The following SLC4A4 variants were observed in gnomAD, a reference collection of about 807,000 sequenced individuals.
SLC4A4 encodes the protein solute carrier family 4 member 4.
In SLC4A4, 27 loss-of-function variants were observed where a neutral mutation model predicts 111.5. The observed-to-expected ratio is 0.24, with a 90% CI of 0.18 to 0.33. SLC4A4 has a LOEUF of 0.33. Ranked by LOEUF, SLC4A4 falls within the 10% of genes least tolerant of loss-of-function variation. The pLI is 1.00. For missense variants in SLC4A4, 909 were observed against 1,315.5 expected, an observed-to-expected ratio of 0.69 and a Z score of 4.78; for synonymous variants, 443 against 463.4, an observed-to-expected ratio of 0.96 and a Z score of 0.57.
chr4:71,534,458 T>C, intron 18 of SLC4A4, 70 bp downstream of exon 18: 3 of 1,481,926 alleles, frequency 2.0e-6, no homozygotes, highest in Middle Eastern at 1.9e-4. Context: ...ACTAATTGAT[T>C]AAAAACCAAG....
chr4:71,157,265 A>T (rs1342089195), intron 2 of SLC4A4, among the ~76,000 whole-genome samples: 1 of 152,198 alleles, frequency 6.6e-6, no homozygotes. Flanking sequence ...ATCCAAAGTT[A>T]GTAGTGTGTG....
chr4:71,362,156 T>A (rs1056122800), intron 6 of SLC4A4, among the ~76,000 whole-genome samples: 2 of 152,142 alleles, frequency 1.3e-5, no homozygotes, highest in Admixed American at 1.3e-4. Flanking sequence ...AACTTCTTCA[T>A]TTTTTGTCCC....
At chr4:71,413,368 A>G (rs752501001) in intron 7 of SLC4A4, among the ~76,000 whole-genome samples, 1 of 152,188 alleles carries the variant, frequency 6.6e-6, no homozygotes, top group Non-Finnish European at 1.5e-5. Flanking sequence ...AGTCATTTGG[A>G]AGTCAATAGA....
chr4:71,466,524 G>A lies in SLC4A4; in HGVS notation c.1578G>A (p.Leu526=), dbSNP rs1279769452. 1 of 1,613,598 alleles carries A rather than the reference G, an allele frequency of 6.2e-7. No homozygotes were observed. The highest frequency in any genetic ancestry group is 1.1e-5 in the South Asian group (1 of 91,076). ...TTGCTGGTCAACCACTCACTATTCT[G>A]AGCAGCACCGGACCTGTCCTAGTTT... The part of the protein sequence containing the change: ...CLFAGQPLTI[L]SSTGPVLVFE... The change falls in exon 13 of 26, where the codon CTG becomes CTA. Residue 526 remains leucine, a synonymous_variant. Coordinates refer to ENST00000264485, the MANE Select transcript of SLC4A4 (RefSeq NM_001098484.3).
At chr4:71,327,602 G>T (rs773979745) in intron 3 of SLC4A4, among the ~76,000 whole-genome samples, 8 of 151,886 alleles carry the variant, frequency 5.3e-5, no homozygotes, top group Non-Finnish European at 1.5e-5. Context: ...CTGGGATAGC[G>T]TAACCATTCA....
At chr4:71,546,100 C>G (rs1735495526) in intron 18 of SLC4A4, among the ~76,000 whole-genome samples, 1 of 152,054 alleles carries the variant, frequency 6.6e-6, no homozygotes, top group South Asian at 2.1e-4. Context: ...GTATCTTTGA[C>G]TTAAGTCTTA....
At chr4:71,145,812 C>G (rs1249397824) in intron 2 of SLC4A4, among the ~76,000 whole-genome samples, 1 of 151,812 alleles carries the variant, frequency 6.6e-6, no homozygotes, top group Non-Finnish European at 1.5e-5. Context: ...GTCATTTTTT[C>G]TTGCGTCTAT....
At chr4:71,562,057 T>C (rs578051082) in intron 23 of SLC4A4, among the ~76,000 whole-genome samples, 16 of 151,932 alleles carry the variant, frequency 1.1e-4, no homozygotes, top group African/African-American at 3.9e-4. Context: ...TTAGAAGTTC[T>C]TCCAATTCTT....
intron 1 of SLC4A4, among the ~76,000 whole-genome samples, chr4:71,207,862 G>T (rs1717862837): frequency 6.6e-6 from 1 of 152,148 alleles, no homozygotes; most frequent in Non-Finnish European, 1.5e-5. Flanking sequence ...GCCCAGGTTG[G>T]AGTGCAGTAG....
At chr4:71,419,799 G>A (rs192762566) in intron 7 of SLC4A4, among the ~76,000 whole-genome samples, 10 of 152,272 alleles carry the variant, frequency 6.6e-5, no homozygotes, top group African/African-American at 2.2e-4. Flanking sequence ...ACTCATGCTG[G>A]GAGCTGTAGA....
intron 3 of SLC4A4, among the ~76,000 whole-genome samples, chr4:71,302,713 C>G (rs1324943495): frequency 6.6e-6 from 1 of 152,202 alleles, no homozygotes; most frequent in African/African-American, 2.4e-5. Context: ...AGACACACAT[C>G]ATTTCAATGG....
chr4:71,177,583 G>A (rs577658192), intron 2 of SLC4A4, among the ~76,000 whole-genome samples: 1 of 152,216 alleles, frequency 6.6e-6, no homozygotes, highest in East Asian at 1.9e-4. Context: ...AGACAAAGAA[G>A]GCCATTACAT....
intron 2 of SLC4A4, among the ~76,000 whole-genome samples, chr4:71,128,820 C>T (rs1156421552): frequency 6.6e-6 from 1 of 152,154 alleles, no homozygotes. Context: ...CAAAGTTCTC[C>T]ATTCTTAAGC....
chr4:71,145,636 G>A (rs1279618411), intron 2 of SLC4A4, among the ~76,000 whole-genome samples: 1 of 152,124 alleles, frequency 6.6e-6, no homozygotes, highest in Admixed American at 6.5e-5. Flanking sequence ...CCTGTTATTG[G>A]TGTATTCAGA....
chr4:71,396,813 T>C (rs1333511295), intron 6 of SLC4A4, among the ~76,000 whole-genome samples: 1 of 152,204 alleles, frequency 6.6e-6, no homozygotes, highest in Non-Finnish European at 1.5e-5. Context: ...GTGAACCATA[T>C]TGACAGCTGC....
In SLC4A4 at chr4:71,569,082, A is replaced by G. The variant is rs557851944; in HGVS notation, c.*1331A>G. 5 of 151,658 alleles carry G rather than the reference A, an allele frequency of 3.3e-5. No homozygotes were observed. In the South Asian group the frequency reaches 1.0e-3, roughly 31 times the overall value. 9.4% of individuals were successfully genotyped at this position (151,658 alleles called of 1,614,324 possible). On this transcript the variant is annotated 3_prime_UTR_variant, in exon 26 of 26. Transcript: ENST00000264485. ...GCCATGGCTGGTGTATATATGTGCA[A>G]TGTTAGAAGGCAAAAGAGTGATGGT...
rs1737759415 is a variant in SLC4A4 at position 71,569,353 on chromosome 4, TAC to T, written c.*1604_*1605del. ...GTAATGGGATTGCAGAGCTGCAGAG[TAC>T]AGTGTAACAGTACTCTCATGCAATT... On this transcript the variant is annotated 3_prime_UTR_variant, in exon 26 of 26. Coordinates refer to ENST00000264485, the MANE Select transcript of SLC4A4 (RefSeq NM_001098484.3). 6.6e-6 allele frequency: 1 copy of T among 151,620 alleles called. No homozygotes were observed. The highest frequency in any genetic ancestry group is 1.5e-5 in the Non-Finnish European group (1 of 67,764). 9.4% of individuals were successfully genotyped at this position (151,620 alleles called of 1,614,324 possible). A position where few individuals can be genotyped will look rare whatever the true frequency, so the allele number is the denominator to read the frequency against.
At chr4:71,109,976 A>T (rs1456170857) in intron 2 of SLC4A4, among the ~76,000 whole-genome samples, 1 of 152,156 alleles carries the variant, frequency 6.6e-6, no homozygotes, top group East Asian at 1.9e-4. Flanking sequence ...TGGAAGGAGG[A>T]TGGGTAGCTA....
chr4:71,546,297 A>G (rs770330213), intron 18 of SLC4A4, 53 bp from the exon 19 acceptor site: 20 of 1,449,284 alleles, frequency 1.4e-5, no homozygotes, highest in Non-Finnish European at 1.8e-5. Context: ...AAATATGACT[A>G]GATAGCGAAT....
Sources: gnomAD v4.1 joint callset for allele counts (sites outside exome capture counted in the v4.1 genomes callset) on GRCh38, gnomAD v4.1.1 for gene constraint, MANE v1.5 for transcripts, NCBI Gene and HGNC (gene_info 2026-07-23, HGNC 2026-07-21) for gene names.